Variants in RSU1 observed in about 807,000 individuals in gnomAD.
RSU1 encodes Ras suppressor protein 1.
A neutral mutation model predicts 31.1 loss-of-function variants in RSU1; 26 were observed. The observed-to-expected ratio is 0.84, with a 90% CI of 0.61 to 1.16. The LOEUF is 1.16. Ranked by LOEUF, RSU1 falls within the 50% of genes most tolerant of loss-of-function variation. The pLI, the probability that RSU1 is intolerant of heterozygous loss-of-function variation, is 0.00. For missense variants in RSU1, 320 were observed against 339.1 expected (o/e 0.94, Z 0.44); for synonymous variants, 164 against 136.3 (o/e 1.20, Z -1.41).
At chr10:16,757,352 T>G (rs1837117382) in intron 4 of RSU1, among the ~76,000 whole-genome samples, 1 of 152,076 alleles carries the variant, frequency 6.6e-6, no homozygotes, top group Non-Finnish European at 1.5e-5. Context: ...TTCAGCTCCA[T>G]CCAGCCCTAC....
intron 3 of RSU1, among the ~76,000 whole-genome samples, chr10:16,769,258 A>G (rs1260231136): frequency 6.6e-6 from 1 of 152,244 alleles, no homozygotes; most frequent in Admixed American, 6.5e-5. Flanking sequence ...AGTTTATACA[A>G]TAATAATTAG....
chr10:16,639,810 G>A (rs1834409396), intron 8 of RSU1, among the ~76,000 whole-genome samples: 1 of 152,236 alleles, frequency 6.6e-6, no homozygotes, highest in East Asian at 1.9e-4. Flanking sequence ...GTCTGTGCCT[G>A]GAAATATTTA....
chr10:16,669,082 G>C (rs1345205171), intron 8 of RSU1, among the ~76,000 whole-genome samples: 1 of 152,124 alleles, frequency 6.6e-6, no homozygotes, highest in Non-Finnish European at 1.5e-5. Context: ...AAGAGTCTTT[G>C]TAAGTTTCTG....
chr10:16,623,014 A>G (rs2131481317), intron 8 of RSU1, among the ~76,000 whole-genome samples: 1 of 152,334 alleles, frequency 6.6e-6, no homozygotes, highest in Non-Finnish European at 1.5e-5. Flanking sequence ...ATCAAGAAAA[A>G]GTACATTCTA....
intron 8 of RSU1, among the ~76,000 whole-genome samples, chr10:16,624,384 C>G (rs1039454997): frequency 3.4e-4 from 52 of 152,244 alleles, no homozygotes; most frequent in African/African-American, 1.1e-3. Context: ...CCCATCACTC[C>G]TCACCTTTTG....
In RSU1 at chr10:16,623,855, C is replaced by T. The variant is rs182315596; in HGVS notation, c.732-30359G>A. Among the ~76,000 whole-genome samples the T allele has an allele frequency of 2.8e-4, 42 of 152,258 alleles. No homozygotes were observed. In the East Asian group the frequency reaches 8.1e-3, roughly 29 times the overall value. On this transcript the variant is annotated intron_variant, in intron 8 of 8. Coordinates refer to ENST00000345264, the MANE Select transcript of RSU1 (RefSeq NM_012425.4). Reference sequence around the variant, plus strand: ...AACCCTTCTCCAGTTACAAGAGATTCAAGAAACTAGAATTCAGTGGATATT... The same window carrying T: ...AACCCTTCTCCAGTTACAAGAGATTTAAGAAACTAGAATTCAGTGGATATT...
chr10:16,802,479 T>C (rs1461134586), intron 2 of RSU1, among the ~76,000 whole-genome samples: 1 of 152,124 alleles, frequency 6.6e-6, no homozygotes, highest in Non-Finnish European at 1.5e-5. Flanking sequence ...GGTTTACTCA[T>C]GAATTCTACC....
rs1564332444 is a variant in RSU1, at chr10:16,722,851, C to CATATAT, written c.599-27697_599-27696insATATAT. Among the ~76,000 whole-genome samples, 5 of 97,720 alleles carry CATATAT rather than the reference C, an allele frequency of 5.1e-5. No homozygotes were observed. The South Asian group carries it at 1.2e-3, about 23-fold the overall frequency. The allele number at this position is 97,720 out of a possible 152,430, so 64.1% of individuals were successfully genotyped here. On this transcript the variant is annotated intron_variant, in intron 7 of 8. Transcript: ENST00000345264. ...ACAGCCACATATATGTATATATACACACATATATACATATATGTATATATA... is the reference window on the plus strand; with the variant it reads ...ACAGCCACATATATGTATATATACACATATATACATATATACATATATGTATATATA...
chr10:16,742,701 G>A (rs1046682250), intron 7 of RSU1, among the ~76,000 whole-genome samples: 3 of 152,068 alleles, frequency 2.0e-5, no homozygotes, highest in Admixed American at 2.0e-4. Flanking sequence ...ATCAAAGGAA[G>A]TCCACTGCAC....
At chr10:16,795,657 A>G (rs1838015176) in intron 2 of RSU1, among the ~76,000 whole-genome samples, 1 of 152,194 alleles carries the variant, frequency 6.6e-6, no homozygotes, top group South Asian at 2.1e-4. Flanking sequence ...CTTACTGGCT[A>G]AACAAATATG....
intron 8 of RSU1, among the ~76,000 whole-genome samples, chr10:16,604,636 CT>C (rs1031207954): frequency 6.6e-6 from 1 of 152,108 alleles, no homozygotes; most frequent in Non-Finnish European, 1.5e-5. Flanking sequence ...CAAGGTCCCC[CT>C]GAGACAGGCG....
chr10:16,622,488 A>G (rs1364847930), intron 8 of RSU1, among the ~76,000 whole-genome samples: 2 of 152,202 alleles, frequency 1.3e-5, no homozygotes, highest in Non-Finnish European at 1.5e-5. Context: ...TGGAAAAACA[A>G]TTTCTCTGGA....
chr10:16,762,115 G>A (rs969459676), intron 4 of RSU1, among the ~76,000 whole-genome samples: 6 of 151,992 alleles, frequency 3.9e-5, no homozygotes, highest in African/African-American at 1.5e-4. Flanking sequence ...GGTAAGGTCA[G>A]GGACCATAAC....
At chr10:16,772,269 T>C (rs1363933665) in intron 3 of RSU1, among the ~76,000 whole-genome samples, 1 of 152,170 alleles carries the variant, frequency 6.6e-6, no homozygotes, top group Non-Finnish European at 1.5e-5. Context: ...TATGTATGCA[T>C]AACCAAACAA....
chr10:16,664,747 T>C (rs1437372804), intron 8 of RSU1, among the ~76,000 whole-genome samples: 1 of 152,214 alleles, frequency 6.6e-6, no homozygotes, highest in East Asian at 1.9e-4. Flanking sequence ...AACTTTTCTT[T>C]CCTAACATCA....
chr10:16,665,049 T>C lies in RSU1; in HGVS notation c.731+29974A>G, dbSNP rs553902534. ...ACCTCAGCCTCCCAGGTTTAAGCAA[T>C]TCTCCTGCTTCAGTCTCCTGAGTAG... is the stretch of plus-strand genomic sequence containing the variant. On this transcript the variant is annotated intron_variant, in intron 8 of 8. Coordinates refer to ENST00000345264, the MANE Select transcript of RSU1 (RefSeq NM_012425.4). Among the ~76,000 whole-genome samples, 228 of 152,286 alleles carry C rather than the reference T, an allele frequency of 1.5e-3. 2 individuals carry two copies. The highest frequency in any genetic ancestry group is 5.2e-3 in the African/African-American group (216 of 41,558).
At chr10:16,659,445 T>C (rs1469086548) in intron 8 of RSU1, among the ~76,000 whole-genome samples, 1 of 152,190 alleles carries the variant, frequency 6.6e-6, no homozygotes, top group African/African-American at 2.4e-5. Flanking sequence ...TGGTTTCATT[T>C]TGTTTCTCCA....
intron 7 of RSU1, among the ~76,000 whole-genome samples, chr10:16,703,792 C>T (rs1408648334): frequency 6.6e-6 from 1 of 152,050 alleles, no homozygotes; most frequent in Non-Finnish European, 1.5e-5. Flanking sequence ...AGTGTATATG[C>T]ATATGAACAG....
intron 8 of RSU1, among the ~76,000 whole-genome samples, chr10:16,682,191 C>T (rs1039791339): frequency 6.6e-6 from 1 of 152,186 alleles, no homozygotes; most frequent in Admixed American, 6.5e-5. Context: ...TCTGACTCCA[C>T]ACTCTATAGG....
Sources: allele counts gnomAD v4.1 joint callset (sites outside exome capture counted in the v4.1 genomes callset), GRCh38; gene constraint gnomAD v4.1.1; transcripts MANE v1.5; gene names NCBI Gene and HGNC (gene_info 2026-07-23, HGNC 2026-07-21).